CATSPERE: variants seen among roughly 807,000 people sequenced by gnomAD.
CATSPERE encodes catsper channel auxiliary subunit epsilon.
Under a neutral mutation model 114.1 loss-of-function variants are expected in CATSPERE, and 93 were observed. That is an observed-to-expected ratio of 0.81 (90% CI 0.69 to 0.97). CATSPERE has a LOEUF of 0.97. CATSPERE is among the 50% of genes least tolerant of loss of function. The probability of loss-of-function intolerance (pLI) is 0.00; values close to 1 mark genes in which losing one functional copy is unlikely to be tolerated. For missense variants in CATSPERE, 1,058 were observed against 1,131.6 expected, an observed-to-expected ratio of 0.93 and a Z score of 0.93; for synonymous variants, 341 against 384.1, an observed-to-expected ratio of 0.89 and a Z score of 1.31.
intron 8 of CATSPERE, among the ~76,000 whole-genome samples, chr1:244,540,095 C>T (rs1268075909): frequency 1.3e-5 from 2 of 150,924 alleles, no homozygotes; most frequent in Non-Finnish European, 3.0e-5. Flanking sequence ...TGAAAACTGG[C>T]ACAAGACAGG....
intron 11 of CATSPERE, among the ~76,000 whole-genome samples, chr1:244,579,997 C>A (rs915812610): frequency 1.3e-5 from 2 of 152,110 alleles, no homozygotes; most frequent in African/African-American, 4.8e-5. Context: ...TACCACTACT[C>A]CTACTGCTAC....
intron 15 of CATSPERE, 126 bp downstream of exon 15, chr1:244,591,857 T>C (rs1346918520): frequency 1.7e-6 from 1 of 602,422 alleles, no homozygotes; most frequent in Non-Finnish European, 2.9e-6. Context: ...TGCAGTCAGT[T>C]TTAGCATTAA....
Position 244,639,715 on chromosome 1 carries a change from T to G in CATSPERE, c.2703-213T>G, listed in dbSNP as rs905251. 0.7 allele frequency among the ~76,000 whole-genome samples: 105,411 copies of G among 150,658 alleles called. 37,187 individuals are homozygous for G. Among genetic ancestry groups the G allele is most frequent in the Middle Eastern group, 0.81 (235 of 290 alleles). ...AAACCAACTTCATTTCCTCCTCCCA[T>G]TGCATCACTGCATTGATCACCTTGT... On this transcript the variant is annotated intron_variant, in intron 21 of 21. Transcript: ENST00000366534.
At chr1:244,596,941 A>G (rs536865118) in intron 17 of CATSPERE, among the ~76,000 whole-genome samples, 77 of 152,246 alleles carry the variant, frequency 5.1e-4, no homozygotes, top group African/African-American at 1.6e-3. Flanking sequence ...TCCATCCTCA[A>G]GCAACTGTAC....
At position 244,568,915 on chromosome 1, in the gene CATSPERE, G is replaced by A. The variant is rs115233178; in HGVS notation, c.1508-3415G>A. ...GAAAAAAAACAAAAACAAAAACAAA[G>A]ACAAAAAACTCCTGCAGCTAGCCTG... On this transcript the variant is annotated intron_variant, in intron 10 of 21. Transcript: ENST00000366534. The surrounding 1 kb of genome is among the most constrained non-coding windows in gnomAD (Gnocchi z 4.4). 9.9e-3 allele frequency among the ~76,000 whole-genome samples: 1,505 copies of A among 152,196 alleles called. 31 individuals are homozygous for A. Among genetic ancestry groups the A allele is most frequent in the African/African-American group, 0.033 (1,380 of 41,518 alleles).
intron 8 of CATSPERE, among the ~76,000 whole-genome samples, chr1:244,547,657 T>A (rs1392120227): frequency 6.6e-6 from 1 of 152,184 alleles, no homozygotes. Flanking sequence ...AGCCTCATGG[T>A]AACCACAAAG....
intron 20 of CATSPERE, 72 bp from the exon 21 acceptor site, chr1:244,635,417 T>A (rs1001742184): frequency 2.7e-6 from 3 of 1,103,790 alleles, no homozygotes; most frequent in Admixed American, 1.8e-5. Flanking sequence ...ATTGTTACCA[T>A]AGGGACATGG....
intron 18 of CATSPERE, among the ~76,000 whole-genome samples, chr1:244,608,124 A>T (rs1320613118): frequency 6.6e-6 from 1 of 152,036 alleles, no homozygotes; most frequent in Non-Finnish European, 1.5e-5. Context: ...AATAATAATA[A>T]TTTTTTTAAA....
At chr1:244,553,486 T>C (rs112391582) in intron 9 of CATSPERE, among the ~76,000 whole-genome samples, 23,074 of 144,496 alleles carry the variant, frequency 0.16, 2,080 homozygotes, top group African/African-American at 0.24. Context: ...GAGGCTGAGG[T>C]GGGAGAATGG....
rs1454905387 is a variant in CATSPERE, at chr1:244,621,316, AT to A, written c.2648+3631del. ...CTATATAAATATATAAATATATAAA[AT>A]ATATATATATATATATATATATATA... On this transcript the variant is annotated intron_variant, in intron 20 of 21. Coordinates refer to ENST00000366534, the MANE Select transcript of CATSPERE (RefSeq NM_001130957.2). 1.0e-3 allele frequency among the ~76,000 whole-genome samples: 4 copies of A among 3,904 alleles called. 1 individual carries two copies. Among genetic ancestry groups the A allele is most frequent in the African/African-American group, 2.5e-3 (3 of 1,184 alleles). 2.6% of individuals were successfully genotyped at this position (3,904 alleles called of 152,430 possible).
chr1:244,511,834 T>C (rs1675816955), intron 7 of CATSPERE, among the ~76,000 whole-genome samples: 1 of 152,220 alleles, frequency 6.6e-6, no homozygotes, highest in Admixed American at 6.5e-5. Context: ...TATTCCACAC[T>C]GGCAGTTAGA....
At chr1:244,545,853 G>A (rs1572679900) in intron 8 of CATSPERE, among the ~76,000 whole-genome samples, 1 of 152,174 alleles carries the variant, frequency 6.6e-6, no homozygotes, top group Non-Finnish European at 1.5e-5. Context: ...GCCCAAATTT[G>A]CATGGTTCCT....
chr1:244,590,810 G>A (rs1373314641), intron 14 of CATSPERE, among the ~76,000 whole-genome samples: 17 of 152,174 alleles, frequency 1.1e-4, no homozygotes, highest in South Asian at 1.0e-3. Flanking sequence ...TTGAATGGAT[G>A]TACCACATTT....
At chr1:244,462,366 G>T (rs1444896612) in intron 1 of CATSPERE, among the ~76,000 whole-genome samples, 1 of 152,054 alleles carries the variant, frequency 6.6e-6, no homozygotes, top group Non-Finnish European at 1.5e-5. Context: ...TTGTTATCTG[G>T]GACTAAATTA....
intron 2 of CATSPERE, among the ~76,000 whole-genome samples, chr1:244,464,592 CA>C (rs1667306694): frequency 1.3e-5 from 2 of 152,156 alleles, no homozygotes; most frequent in Admixed American, 6.5e-5. Flanking sequence ...CAAAGTTCCG[CA>C]AGATTGTTTC....
intron 20 of CATSPERE, among the ~76,000 whole-genome samples, 163 bp from the exon 21 acceptor site, chr1:244,635,326 T>A (rs941098925): frequency 2.0e-5 from 3 of 152,110 alleles, no homozygotes; most frequent in African/African-American, 7.2e-5. Flanking sequence ...TATGGAAAAA[T>A]AATCACAGCT....
intron 20 of CATSPERE, among the ~76,000 whole-genome samples, chr1:244,625,873 G>A (rs1673130924): frequency 6.6e-6 from 1 of 151,896 alleles, no homozygotes; most frequent in African/African-American, 2.4e-5. Flanking sequence ...ACAGGTGTGA[G>A]CCACCATGCC....
chr1:244,487,964 G>T (rs966874337), intron 5 of CATSPERE, among the ~76,000 whole-genome samples: 3 of 152,106 alleles, frequency 2.0e-5, no homozygotes, highest in Non-Finnish European at 2.9e-5. Flanking sequence ...CCAGGCTCTC[G>T]ACACCTATTG....
intron 2 of CATSPERE, among the ~76,000 whole-genome samples, chr1:244,467,793 C>CT (rs1667836668): frequency 6.6e-6 from 1 of 152,172 alleles, no homozygotes; most frequent in African/African-American, 2.4e-5. Flanking sequence ...ATTGTGTCTA[C>CT]ATGTCAACAC....
Sources: allele counts gnomAD v4.1 joint callset (sites outside exome capture counted in the v4.1 genomes callset), GRCh38; gene constraint gnomAD v4.1.1; non-coding constraint Gnocchi (gnomAD v3.1); transcripts MANE v1.5; gene names NCBI Gene and HGNC (gene_info 2026-07-23, HGNC 2026-07-21).